Variants in MASP1 observed in about 807,000 individuals in gnomAD.
MASP1 encodes the protein mannan-binding lectin serine protease 1.
Under a neutral mutation model 77.1 loss-of-function variants are expected in MASP1, and 59 were observed. The ratio of observed to expected loss-of-function variants is 0.77; its 90% CI spans 0.62 to 0.95. The LOEUF (loss-of-function observed/expected upper bound fraction) is 0.95, where lower values mean the gene tolerates loss of function less well. MASP1 is among the 40% of genes least tolerant of loss of function. The pLI is 0.00. For synonymous variants in MASP1, 362 were observed against 354.5 expected (o/e 1.02, Z -0.24); for missense variants, 885 against 912.9 (o/e 0.97, Z 0.39).
chr3:187,234,439 G>T lies in MASP1; in HGVS notation c.*1245C>A. 1.6e-6 allele frequency: 2 copies of T among 1,285,932 alleles called. No individual in the cohort carries two copies. Among genetic ancestry groups the T allele is most frequent in the Non-Finnish European group, 2.0e-6 (2 of 987,450 alleles). 79.7% of individuals were successfully genotyped at this position (1,285,932 alleles called of 1,614,324 possible). A position where few individuals can be genotyped will look rare whatever the true frequency, so the allele number is the denominator to read the frequency against. ...GGAACCTGCAGGGGACCTTATGCCA[G>T]CCTGTTGCTGACGGAGAACCAGAGA... is the stretch of plus-strand genomic sequence containing the variant. On this transcript the variant is annotated 3_prime_UTR_variant, in exon 11 of 11. Transcript: ENST00000296280.
In MASP1 at chr3:187,234,889, C is replaced by T. The variant is rs1210601574; in HGVS notation, c.*795G>A. 6 of 1,287,034 alleles carry T rather than the reference C, an allele frequency of 4.7e-6. No individual in the cohort carries two copies. In the Admixed American group the frequency reaches 1.1e-4, roughly 25 times the overall value. 79.7% of individuals were successfully genotyped at this position (1,287,034 alleles called of 1,614,324 possible). On this transcript the variant is annotated 3_prime_UTR_variant, in exon 11 of 11. Transcript: ENST00000296280. ...GTCTGGAGCAGCAGGTGTGGACGCC[C>T]ATGGTGTCAGCTGGTGTTCCAGGGT...
chr3:187,256,322 T>C (rs1028947282), intron 5 of MASP1, among the ~76,000 whole-genome samples: 1 of 152,212 alleles, frequency 6.6e-6, no homozygotes, highest in Non-Finnish European at 1.5e-5. Flanking sequence ...CATATGTTTA[T>C]TAAACCAAGC....
chr3:187,290,282 G>A (rs577781135), intron 1 of MASP1, among the ~76,000 whole-genome samples: 1 of 152,268 alleles, frequency 6.6e-6, no homozygotes, highest in East Asian at 1.9e-4. Flanking sequence ...ATTTGTGCCA[G>A]CTTGAACAAT....
rs760710253 is a variant in MASP1, at chr3:187,234,117, AC to A, written c.*1566del. On this transcript the variant is annotated 3_prime_UTR_variant, in exon 11 of 11. Coordinates refer to ENST00000296280, the MANE Select transcript of MASP1 (RefSeq NM_139125.4). ...CCACGAGGGTTTATTTCCACTTGAG[AC>A]CCCTGATGGGAGCAACAATGCAGAG... is the stretch of plus-strand genomic sequence containing the variant. 38 of 1,281,396 alleles carry A rather than the reference AC, an allele frequency of 3.0e-5. No individual in the cohort carries two copies. The highest frequency in any genetic ancestry group is 3.6e-5 in the Non-Finnish European group (35 of 984,520). The allele number at this position is 1,281,396 out of a possible 1,614,324, so 79.4% of individuals were successfully genotyped here. A position where few individuals can be genotyped will look rare whatever the true frequency, so the allele number is the denominator to read the frequency against.
chr3:187,260,797 T>C lies in MASP1; in HGVS notation c.491A>G (p.Tyr164Cys), dbSNP rs535846193. The C allele has an allele frequency of 1.8e-5, 29 of 1,614,136 alleles. No individual in the cohort carries two copies. In the East Asian group the frequency reaches 6.5e-4, roughly 36 times the overall value. ...GTAGCCGAAGCGGCAGGAGCAGTAG[T>C]AGCCGCCAATGTAGTTGTGGCAGTA... ...DHYCHNYIGGYYCSCRFGYIL... is the reference protein window; with the variant it reads ...DHYCHNYIGGCYCSCRFGYIL... The change falls in exon 4 of 11, where the codon TAC becomes TGC. Residue 164 changes from tyrosine to cysteine, a missense_variant. Physicochemically the swap from Tyr to Cys is radical, Grantham distance 194. Coordinates refer to ENST00000296280, the MANE Select transcript of MASP1 (RefSeq NM_139125.4).
intron 2 of MASP1, among the ~76,000 whole-genome samples, chr3:187,273,509 C>T (rs975819990): frequency 1.3e-5 from 2 of 152,202 alleles, no homozygotes; most frequent in Non-Finnish European, 1.5e-5. Flanking sequence ...TTCCTAGATG[C>T]GTGAGCCGTA....
intron 1 of MASP1, among the ~76,000 whole-genome samples, chr3:187,286,562 A>G (rs1007182267): frequency 2.0e-5 from 3 of 152,264 alleles, no homozygotes; most frequent in African/African-American, 7.2e-5. Flanking sequence ...AGAAAGAATA[A>G]GCAAAGCAAG....
chr3:187,253,770 TA>T (rs1467355060), intron 5 of MASP1, among the ~76,000 whole-genome samples: 2 of 151,714 alleles, frequency 1.3e-5, no homozygotes, highest in East Asian at 3.9e-4. Context: ...TTCTCACTCA[TA>T]AGTGGGAGTT....
intron 10 of MASP1, among the ~76,000 whole-genome samples, chr3:187,240,486 A>T (rs574758672): frequency 6.6e-6 from 1 of 152,272 alleles, no homozygotes; most frequent in Non-Finnish European, 1.5e-5. Context: ...TTTTTTAAAA[A>T]AAATGTAAAT....
chr3:187,256,018 C>T (rs1715044692), intron 5 of MASP1, among the ~76,000 whole-genome samples: 1 of 152,144 alleles, frequency 6.6e-6, no homozygotes, highest in Non-Finnish European at 1.5e-5. Context: ...TTCCACATAT[C>T]TCGAAAATAT....
At chr3:187,247,047 TGA>T in intron 8 of MASP1, 1 of 1,322,384 alleles carries the variant, frequency 7.6e-7, no homozygotes, top group Non-Finnish European at 9.7e-7. Context: ...TTTTTTCCGT[TGA>T]GAAAAGTACA....
intron 2 of MASP1, among the ~76,000 whole-genome samples, chr3:187,265,194 A>G (rs1715915990): frequency 6.6e-6 from 1 of 152,178 alleles, no homozygotes; most frequent in Admixed American, 6.5e-5. Context: ...ATGAACTTGA[A>G]TTTGTTAATA....
chr3:187,288,462 T>C (rs942098050), intron 1 of MASP1, among the ~76,000 whole-genome samples: 5 of 152,342 alleles, frequency 3.3e-5, no homozygotes, highest in Non-Finnish European at 7.3e-5. Context: ...TTATTTATCC[T>C]TTCCATTTTA....
Position 187,234,246 on chromosome 3 carries a change from GA to G in MASP1, c.*1437del, listed in dbSNP as rs770168258. ...AAGGAGTGTGTTTGATGAGCCGGTT[GA>G]GAAAGTGGACACTTCCCAATCATTC... On this transcript the variant is annotated 3_prime_UTR_variant, in exon 11 of 11. Coordinates refer to ENST00000296280, the MANE Select transcript of MASP1 (RefSeq NM_139125.4). The G allele has an allele frequency of 0.91, 1,170,326 of 1,286,746 alleles. 535,416 individuals are homozygous for G. Among genetic ancestry groups the G allele is most frequent in the East Asian group, 0.99 (17,893 of 17,992 alleles). The allele number at this position is 1,286,746 out of a possible 1,614,324, so 79.7% of individuals were successfully genotyped here. A position where few individuals can be genotyped will look rare whatever the true frequency, so the allele number is the denominator to read the frequency against.
chr3:187,286,229 T>C (rs1007209210), intron 1 of MASP1, among the ~76,000 whole-genome samples, 173 bp from the exon 2 acceptor site: 17 of 150,850 alleles, frequency 1.1e-4, no homozygotes, highest in African/African-American at 3.4e-4. Flanking sequence ...ATATAGTAAC[T>C]AGATAATTTC....
exon 16 of MASP1, chr3:187,219,979 G>A (rs1486807013): frequency 2.2e-6 from 3 of 1,352,516 alleles, no homozygotes; most frequent in Non-Finnish European, 3.1e-6. Context: ...GGGGATGGGA[G>A]GAAGGAAAGG....
chr3:187,232,201 T>C (rs1712805835), downstream of MASP1, among the ~76,000 whole-genome samples: 1 of 152,104 alleles, frequency 6.6e-6, no homozygotes, highest in Admixed American at 6.6e-5. Context: ...TCTGAAGCAC[T>C]TTTCTCCCTG....
rs371721751 is a variant in MASP1 at position 187,291,636 on chromosome 3, C to G, written c.-4G>C. ...CCTCCCCTGGCACGTACCTCATTTT[C>G]CTGCCTTGGGTGCTCCCGGCTGCCC... On this transcript the variant is annotated 5_prime_UTR_variant, in exon 1 of 11. Coordinates refer to ENST00000296280, the MANE Select transcript of MASP1 (RefSeq NM_139125.4). 2 of 1,614,222 alleles carry G rather than the reference C, an allele frequency of 1.2e-6. No homozygotes were observed. Among genetic ancestry groups the G allele is most frequent in the Admixed American group, 1.7e-5 (1 of 60,028 alleles).
chr3:187,223,052 G>A, intron 14 of MASP1: 1 of 1,346,402 alleles, frequency 7.4e-7, no homozygotes, highest in South Asian at 1.2e-5. Flanking sequence ...AAATCCCTAA[G>A]GGAACAATAC....
Sources: allele counts gnomAD v4.1 joint callset (sites outside exome capture counted in the v4.1 genomes callset), GRCh38; gene constraint gnomAD v4.1.1; transcripts MANE v1.5; gene names NCBI Gene and HGNC (gene_info 2026-07-23, HGNC 2026-07-21).